The following CEP112 variants were observed in gnomAD, a reference collection of about 807,000 sequenced individuals.
CEP112 encodes centrosomal protein 112.
Under a neutral mutation model 153.0 loss-of-function variants are expected in CEP112, and 127 were observed. The ratio of observed to expected loss-of-function variants is 0.83; its 90% confidence interval spans 0.72 to 0.96. The LOEUF (loss-of-function observed/expected upper bound fraction) is 0.96, where lower values mean the gene tolerates loss of function less well. Ranked by LOEUF, CEP112 falls within the 40% of genes least tolerant of loss-of-function variation. CEP112 has a pLI of 0.00. For missense variants in CEP112, 1,089 were observed against 1,101.2 expected (o/e 0.99, Z 0.16); for synonymous variants, 358 against 374.4 (o/e 0.96, Z 0.51).
At chr17:66,156,710 C>T (rs955000105) in intron 4 of CEP112, among the ~76,000 whole-genome samples, 9 of 151,998 alleles carry the variant, frequency 5.9e-5, no homozygotes, top group African/African-American at 2.2e-4. Flanking sequence ...AGCTGAAAAA[C>T]GCAGCACGAG....
intron 21 of CEP112, among the ~76,000 whole-genome samples, chr17:65,840,505 A>G (rs1302353909): frequency 6.6e-6 from 1 of 152,142 alleles, no homozygotes; most frequent in African/African-American, 2.4e-5. Context: ...AAATTGAATC[A>G]ACATGGATTG....
chr17:66,049,423 G>T lies in CEP112; in HGVS notation c.1218+4313C>A, dbSNP rs976161192. Reference sequence around the variant, plus strand: ...CTGAAGATAAATTATGAGAACAGATGAACTAAGAATTTTAAATAAGCTTAA... The same window carrying T: ...CTGAAGATAAATTATGAGAACAGATTAACTAAGAATTTTAAATAAGCTTAA... On this transcript the variant is annotated intron_variant, in intron 12 of 26. Transcript: ENST00000535342. Among the ~76,000 whole-genome samples the T allele has an allele frequency of 5.6e-4, 85 of 152,128 alleles. 1 individual carries two copies. The highest frequency in any genetic ancestry group is 5.0e-3 in the Admixed American group (77 of 15,262).
At chr17:66,025,031 C>T (rs1421301964) in intron 16 of CEP112, among the ~76,000 whole-genome samples, 1 of 152,006 alleles carries the variant, frequency 6.6e-6, no homozygotes, top group Non-Finnish European at 1.5e-5. Flanking sequence ...AAAACATATA[C>T]TGGGGGAAGG....
chr17:65,980,134 T>C lies in CEP112; in HGVS notation c.1737-18536A>G, dbSNP rs558073374. ...CTAGTTTACTCCACATAAAACTCCA[T>C]TGGGGCGTTTTCATTTTTCACTAAG... is the stretch of plus-strand genomic sequence containing the variant. On this transcript the variant is annotated intron_variant, in intron 17 of 26. Transcript: ENST00000535342. 3.9e-5 allele frequency among the ~76,000 whole-genome samples: 6 copies of C among 152,284 alleles called. No individual in the cohort carries two copies. The South Asian group carries it at 6.2e-4, about 16-fold the overall frequency.
intron 20 of CEP112, among the ~76,000 whole-genome samples, chr17:65,886,335 C>T (rs2059276407): frequency 6.6e-6 from 1 of 152,114 alleles, no homozygotes; most frequent in Non-Finnish European, 1.5e-5. Context: ...AAAGAGCTTG[C>T]CAGAGAGGTG....
intron 7 of CEP112, 86 bp downstream of exon 7, chr17:66,096,498 TC>T: frequency 8.8e-7 from 1 of 1,137,298 alleles, no homozygotes. Flanking sequence ...CTAATGTAGA[TC>T]CGCATTATTT....
intron 4 of CEP112, among the ~76,000 whole-genome samples, chr17:66,168,654 G>A (rs1432170712): frequency 6.6e-6 from 1 of 152,008 alleles, no homozygotes; most frequent in Non-Finnish European, 1.5e-5. Flanking sequence ...CAAAACAGAT[G>A]CAGGCATATA....
intron 23 of CEP112, among the ~76,000 whole-genome samples, chr17:65,723,746 C>T (rs2144887404): frequency 6.6e-6 from 1 of 152,288 alleles, no homozygotes; most frequent in African/African-American, 2.4e-5. Flanking sequence ...AGTTTATAGA[C>T]ATCAAAGGAA....
chr17:66,091,543 G>C (rs2068132087), intron 8 of CEP112, among the ~76,000 whole-genome samples: 1 of 152,072 alleles, frequency 6.6e-6, no homozygotes, highest in Non-Finnish European at 1.5e-5. Context: ...AGCAAAAGCA[G>C]TTCTAAGAAA....
chr17:65,908,366 A>G (rs1274350425), intron 19 of CEP112, among the ~76,000 whole-genome samples: 1 of 152,058 alleles, frequency 6.6e-6, no homozygotes, highest in South Asian at 2.1e-4. Context: ...TACTGGGTTG[A>G]CTCATAGGAA....
intron 23 of CEP112, among the ~76,000 whole-genome samples, chr17:65,692,903 T>C (rs138277114): frequency 1.8e-3 from 270 of 152,244 alleles, no homozygotes; most frequent in Non-Finnish European, 3.3e-3. Context: ...CCTAAAGATA[T>C]TTACTTCAAT....
intron 4 of CEP112, among the ~76,000 whole-genome samples, chr17:66,147,954 G>GT (rs1451051551): frequency 2.0e-5 from 3 of 151,738 alleles, no homozygotes; most frequent in Admixed American, 2.0e-4. Flanking sequence ...CTCCAACTTC[G>GT]TTTTTTTTCT....
intron 8 of CEP112, among the ~76,000 whole-genome samples, chr17:66,093,446 C>A: frequency 6.6e-6 from 1 of 151,476 alleles, no homozygotes; most frequent in Non-Finnish European, 1.5e-5. Context: ...TTAAAGACTC[C>A]ACCAAAATGC....
At chr17:66,116,741 A>G (rs1267491084) in intron 6 of CEP112, among the ~76,000 whole-genome samples, 4 of 152,170 alleles carry the variant, frequency 2.6e-5, no homozygotes, top group African/African-American at 4.8e-5. Context: ...TGAAAAGTCT[A>G]TAAATCCATA....
At chr17:65,664,997 T>C (rs2046620585) in intron 24 of CEP112, among the ~76,000 whole-genome samples, 1 of 152,176 alleles carries the variant, frequency 6.6e-6, no homozygotes, top group Non-Finnish European at 1.5e-5. Context: ...ATATTTCTCC[T>C]ATGTCTCTTT....
chr17:65,990,736 C>T (rs2063564707), intron 17 of CEP112, among the ~76,000 whole-genome samples: 1 of 152,196 alleles, frequency 6.6e-6, no homozygotes, highest in African/African-American at 2.4e-5. Flanking sequence ...AGGGAAGTCC[C>T]AATGCTGAGC....
At chr17:65,778,970 AC>A (rs1299233054) in intron 21 of CEP112, among the ~76,000 whole-genome samples, 1 of 151,320 alleles carries the variant, frequency 6.6e-6, no homozygotes, top group Non-Finnish European at 1.5e-5. Flanking sequence ...ACTATACTTC[AC>A]CCTGGGTGAC....
chr17:65,692,980 C>T (rs1465483891), intron 23 of CEP112, among the ~76,000 whole-genome samples: 1 of 152,118 alleles, frequency 6.6e-6, no homozygotes, highest in African/African-American at 2.4e-5. Flanking sequence ...TCCTGAGACA[C>T]AAAATACACA....
chr17:66,007,256 T>C (rs1328698124), intron 16 of CEP112, among the ~76,000 whole-genome samples: 3 of 152,218 alleles, frequency 2.0e-5, no homozygotes, highest in African/African-American at 7.2e-5. Flanking sequence ...GCAAGAGAAT[T>C]AGGAACCTGT....
Sources: gnomAD v4.1 joint callset for allele counts (sites outside exome capture counted in the v4.1 genomes callset) on GRCh38, gnomAD v4.1.1 for gene constraint, MANE v1.5 for transcripts, NCBI Gene and HGNC (gene_info 2026-07-23, HGNC 2026-07-21) for gene names.